Variants in CAMKMT observed in about 807,000 individuals in gnomAD.
CAMKMT encodes calmodulin-lysine N-methyltransferase, also known as CaM KMT.
In CAMKMT, 53 loss-of-function variants were observed where a neutral mutation model predicts 48.0. The observed-to-expected ratio is 1.10, with a 90% CI of 0.89 to 1.39. The LOEUF is 1.39. Among genes scored for constraint, CAMKMT ranks in the 40% most tolerant of loss-of-function variants. CAMKMT has a pLI of 0.00. For missense variants in CAMKMT, 428 were observed against 402.7 expected (o/e 1.06, Z -0.54); for synonymous variants, 165 against 152.3 (o/e 1.08, Z -0.61).
intron 3 of CAMKMT, among the ~76,000 whole-genome samples, chr2:44,465,131 CAT>C (rs1167770637): frequency 4.6e-5 from 7 of 151,764 alleles, no homozygotes; most frequent in Non-Finnish European, 1.0e-4. Context: ...ACACTGGTAA[CAT>C]AGAGGGAAGA....
intron 7 of CAMKMT, among the ~76,000 whole-genome samples, chr2:44,723,330 T>C (rs1475052341): frequency 6.6e-6 from 1 of 152,144 alleles, no homozygotes; most frequent in Non-Finnish European, 1.5e-5. Context: ...TTGTAGCTCA[T>C]GCCTGTAGTC....
At chr2:44,393,276 T>C (rs1407611001) in intron 3 of CAMKMT, 3 of 152,198 alleles carry the variant, frequency 2.0e-5, no homozygotes, top group Non-Finnish European at 4.4e-5. Context: ...GTATTTACTT[T>C]TTTGTATAGA....
intron 3 of CAMKMT, among the ~76,000 whole-genome samples, chr2:44,435,373 C>T (rs1350961838): frequency 5.3e-5 from 8 of 152,070 alleles, no homozygotes; most frequent in Non-Finnish European, 1.2e-4. Flanking sequence ...CACTTACAGT[C>T]TAGATTTAGG....
chr2:44,544,384 T>A (rs138701151), intron 3 of CAMKMT, among the ~76,000 whole-genome samples: 296 of 152,318 alleles, frequency 1.9e-3, no homozygotes, highest in African/African-American at 6.8e-3. Flanking sequence ...GGACAAAAAT[T>A]CTACAATTGA....
At chr2:44,463,867 A>G (rs535746405) in intron 3 of CAMKMT, among the ~76,000 whole-genome samples, 3 of 152,370 alleles carry the variant, frequency 2.0e-5, no homozygotes, top group African/African-American at 7.2e-5. Flanking sequence ...ATAGAAAGCC[A>G]GTATGTAAAG....
intron 3 of CAMKMT, among the ~76,000 whole-genome samples, chr2:44,417,787 T>G (rs1683658943): frequency 1.3e-5 from 2 of 152,244 alleles, no homozygotes. Context: ...CTATGCAGAT[T>G]CCTGATGACG....
At chr2:44,413,129 A>G (rs1333940832) in intron 3 of CAMKMT, among the ~76,000 whole-genome samples, 1 of 151,958 alleles carries the variant, frequency 6.6e-6, no homozygotes, top group African/African-American at 2.4e-5. Context: ...TAATAAACTA[A>G]TGGTGTTATC....
chr2:44,430,881 G>T (rs1224885582), intron 3 of CAMKMT, among the ~76,000 whole-genome samples: 3 of 152,168 alleles, frequency 2.0e-5, no homozygotes, highest in Admixed American at 2.0e-4. Context: ...ATAGGAAGTT[G>T]TAATGTTAAA....
At chr2:44,448,967 G>C (rs1443490923) in intron 3 of CAMKMT, among the ~76,000 whole-genome samples, 1 of 152,152 alleles carries the variant, frequency 6.6e-6, no homozygotes, top group Non-Finnish European at 1.5e-5. Flanking sequence ...ATTAGTAGTT[G>C]CCTCGTGCAG....
intron 3 of CAMKMT, among the ~76,000 whole-genome samples, chr2:44,603,472 A>G (rs1232441970): frequency 6.6e-6 from 1 of 152,368 alleles, no homozygotes; most frequent in East Asian, 1.9e-4. Flanking sequence ...ATATATTGCC[A>G]CACAACAAAA....
intron 2 of CAMKMT, among the ~76,000 whole-genome samples, chr2:44,374,895 C>T (rs1034388677): frequency 2.0e-5 from 3 of 151,832 alleles, no homozygotes; most frequent in South Asian, 2.1e-4. Flanking sequence ...TTTGGGAGGC[C>T]GAAGCAAGAC....
intron 3 of CAMKMT, among the ~76,000 whole-genome samples, chr2:44,435,330 T>C (rs1054341560): frequency 2.6e-5 from 4 of 152,174 alleles, no homozygotes; most frequent in Non-Finnish European, 5.9e-5. Context: ...TATTTATTGT[T>C]GGGCACGCAT....
At chr2:44,617,331 A>G (rs2103919167) in intron 3 of CAMKMT, among the ~76,000 whole-genome samples, 1 of 152,296 alleles carries the variant, frequency 6.6e-6, no homozygotes, top group South Asian at 2.1e-4. Flanking sequence ...ATGATAACAC[A>G]TTTCAAAATT....
intron 3 of CAMKMT, among the ~76,000 whole-genome samples, chr2:44,623,603 T>A (rs1672314855): frequency 6.6e-6 from 1 of 152,222 alleles, no homozygotes; most frequent in African/African-American, 2.4e-5. Context: ...CCTTGCTTGT[T>A]TTTGTCAACT....
chr2:44,613,098 G>GA (rs1308841750), intron 3 of CAMKMT, among the ~76,000 whole-genome samples: 8 of 152,186 alleles, frequency 5.3e-5, no homozygotes, highest in Admixed American at 5.2e-4. Context: ...GTCTTTTGGG[G>GA]AGCAGTAAAA....
chr2:44,413,647 G>A (rs1160665234), intron 3 of CAMKMT, among the ~76,000 whole-genome samples: 3 of 145,694 alleles, frequency 2.1e-5, no homozygotes, highest in Non-Finnish European at 4.5e-5. Flanking sequence ...GTGAGACTCC[G>A]TCTCAAAAAA....
chr2:44,578,973 C>T (rs879281552), intron 3 of CAMKMT, among the ~76,000 whole-genome samples: 9 of 152,136 alleles, frequency 5.9e-5, no homozygotes, highest in East Asian at 3.8e-4. Context: ...TCAAAGTTTA[C>T]GCAGTGGTGG....
chr2:44,701,823 A>T (rs1237611684), intron 3 of CAMKMT, among the ~76,000 whole-genome samples: 1 of 152,226 alleles, frequency 6.6e-6, no homozygotes, highest in Non-Finnish European at 1.5e-5. Context: ...TATCTACCAC[A>T]TATTGAATGA....
rs568998415 is a variant in CAMKMT at position 44,685,205 on chromosome 2, T to C, written c.377-19078T>C. Among the ~76,000 whole-genome samples the C allele has an allele frequency of 2.1e-3, 327 of 152,284 alleles. 4 individuals carry two copies. Among genetic ancestry groups the C allele is most frequent in the African/African-American group, 7.2e-3 (300 of 41,544 alleles). ...ATTTTCTTTATCAAAGTATGATTGATTTTTGCTTTTTAAAAGAAAGGTTTG... is the reference window on the plus strand; with the variant it reads ...ATTTTCTTTATCAAAGTATGATTGACTTTTGCTTTTTAAAAGAAAGGTTTG... On this transcript the variant is annotated intron_variant, in intron 3 of 10. Transcript: ENST00000378494.
Sources: allele counts gnomAD v4.1 joint callset (sites outside exome capture counted in the v4.1 genomes callset), GRCh38; gene constraint gnomAD v4.1.1; transcripts MANE v1.5; gene names NCBI Gene and HGNC (gene_info 2026-07-23, HGNC 2026-07-21).